DLL1: variants seen among roughly 807,000 people sequenced by gnomAD.
The protein encoded by DLL1 is delta like canonical Notch ligand 1, also known as delta-like protein 1.
In DLL1, 9 loss-of-function variants were observed where a neutral mutation model predicts 75.1. That is an observed-to-expected ratio of 0.12 (90% CI 0.07 to 0.21). The LOEUF (loss-of-function observed/expected upper bound fraction) is 0.21, where lower values mean the gene tolerates loss of function less well. Ranked by LOEUF, DLL1 falls within the 10% of genes least tolerant of loss-of-function variation. DLL1 has a pLI of 1.00. For missense variants in DLL1, 837 were observed against 1,007.6 expected, an observed-to-expected ratio of 0.83 and a Z score of 2.29; for synonymous variants, 477 against 418.3, an observed-to-expected ratio of 1.14 and a Z score of -1.71.
In DLL1 at chr6:170,283,830, G is replaced by C; in HGVS notation, c.1449C>G (p.Ser483Arg). 6.2e-7 allele frequency: 1 copy of C among 1,600,598 alleles called. No individual in the cohort carries two copies. The highest frequency in any genetic ancestry group is 8.5e-7 in the Non-Finnish European group (1 of 1,176,852). ...TGTGGCAGGGTGCGTGCTCGCACCT[G>C]CTGACGGGGGCACTGCAGTTCCTGC... ...YTGRNCSAPV[S>R]RCEHAPCHNG... The change falls in exon 9 of 11, where the codon AGC becomes AGG. Residue 483 changes from serine (S) to arginine (R), a missense_variant. Ser to Arg is a moderately radical substitution (Grantham distance 110). This residue lies in a region of DLL1 where 533 missense variants were observed against 545.7 expected (regional missense o/e 0.98). Transcript: ENST00000366756.
intron 10 of DLL1, 34 bp downstream of exon 10, chr6:170,282,954 C>A (rs200432216): frequency 1.9e-6 from 3 of 1,614,180 alleles, no homozygotes; most frequent in Admixed American, 3.3e-5. Context: ...GCTCCCATGC[C>A]GAGGAGGAGG....
Position 170,288,380 on chromosome 6 carries a change from A to C in DLL1, c.529T>G (p.Phe177Val), listed in dbSNP as rs781398299. The C allele has an allele frequency of 6.2e-7, 1 of 1,613,962 alleles. No individual in the cohort carries two copies. The highest frequency in any genetic ancestry group is 1.3e-5 in the African/African-American group (1 of 74,954). ...CCGTAGTAGTGTTCGTCACACACGA[A>C]GCGGTAGGAGTACTTGAGGTCCGTG... ...GRTDLKYSYR[F>V]VCDEHYYGEG... Residue 177 changes from phenylalanine (F) to valine (V), a missense_variant, in exon 4 of 11, where the codon TTC (phenylalanine) becomes GTC (valine). By Grantham distance (50) the Phe-to-Val change is conservative. This residue lies in a region of DLL1 where 304 missense variants were observed against 461.9 expected (regional missense o/e 0.66). Coordinates refer to ENST00000366756, the MANE Select transcript of DLL1 (RefSeq NM_005618.4).
chr6:170,287,737 C>T (rs1451262510), intron 4 of DLL1, among the ~76,000 whole-genome samples: 1 of 152,236 alleles, frequency 6.6e-6, no homozygotes, highest in Non-Finnish European at 1.5e-5. Flanking sequence ...CCAGCATAGA[C>T]AGTGCGTGTC....
chr6:170,289,887 C>A, intron 1 of DLL1, 79 bp from the exon 2 acceptor site: 1 of 1,462,530 alleles, frequency 6.8e-7, no homozygotes, highest in African/African-American at 1.4e-5. Context: ...GGGGGGTGTG[C>A]GGAGAGCCTG....
chr6:170,289,872 T>C, intron 1 of DLL1, 64 bp from the exon 2 acceptor site: 1 of 1,503,934 alleles, frequency 6.6e-7, no homozygotes, highest in Non-Finnish European at 9.0e-7. Context: ...GCGTGAGGCC[T>C]GGGTGGGGGG....
Position 170,285,033 on chromosome 6 carries a change from C to T in DLL1, c.1135G>A (p.Gly379Ser). ...TCADGPCFNG[G>S]RCSDSPDGGY... ...CCATCGGGGCTGTCTGAGCACCGACCCCCGTTAAAGCAAGGGCCGTCCGCA... is the reference window on the plus strand; with the variant it reads ...CCATCGGGGCTGTCTGAGCACCGACTCCCGTTAAAGCAAGGGCCGTCCGCA... The change falls in exon 8 of 11, where the codon GGT (glycine) becomes AGT (serine). Residue 379 changes from glycine (G) to serine (S), a missense_variant. Transcript: ENST00000366756. The T allele has an allele frequency of 6.2e-7, 1 of 1,614,172 alleles. No homozygotes were observed. Among genetic ancestry groups the T allele is most frequent in the Non-Finnish European group, 8.5e-7 (1 of 1,180,038 alleles).
rs146859652 is a variant in DLL1, at chr6:170,283,629, G to C, written c.1650C>G (p.Ala550=). The stretch of plus-strand genomic sequence containing the variant: ...GCAGCATGAGGACAAGGATGACCCC[G>C]GCGCACACGGCCACCCAGGGGAATG... ...GGPFPWVAVC[A]GVILVLMLLL... The change falls in exon 9 of 11, where the codon GCC becomes GCG. Residue 550 remains alanine (A), a synonymous_variant. Coordinates refer to ENST00000366756, the MANE Select transcript of DLL1 (RefSeq NM_005618.4). 1.9e-6 allele frequency: 3 copies of C among 1,607,010 alleles called. No homozygotes were observed. The highest frequency in any genetic ancestry group is 3.4e-5 in the Admixed American group (2 of 59,676).
At position 170,285,141 on chromosome 6, in the gene DLL1, C is replaced by A; in HGVS notation, c.1033-6G>T. On this transcript the variant is annotated splice_region_variant and splice_polypyrimidine_tract_variant and intron_variant, in intron 7 of 10. Transcript: ENST00000366756. ...GAGTAGCTGTTCTCGAGATCCTACACGATGGAGAGGTCAGAAAAGGCTTTC... is the reference window on the plus strand; with the variant it reads ...GAGTAGCTGTTCTCGAGATCCTACAAGATGGAGAGGTCAGAAAAGGCTTTC... 4 of 1,613,964 alleles carry A rather than the reference C, an allele frequency of 2.5e-6. No individual in the cohort carries two copies. Among genetic ancestry groups the A allele is most frequent in the Non-Finnish European group, 3.4e-6 (4 of 1,180,012 alleles).
At chr6:170,283,153 G>A (rs999662444) in intron 9 of DLL1, 48 bp from the exon 10 acceptor site, 2 of 1,613,484 alleles carry the variant, frequency 1.2e-6, no homozygotes, top group Non-Finnish European at 8.5e-7. Flanking sequence ...GAGAACATTT[G>A]GGAAGAGAAA....
intron 2 of DLL1, 106 bp downstream of exon 2, chr6:170,289,406 G>T: frequency 2.7e-6 from 4 of 1,477,226 alleles, no homozygotes; most frequent in Non-Finnish European, 2.7e-6. Flanking sequence ...TGCGCCTCGC[G>T]GGGTCCCCGA....
At chr6:170,288,654 G>C in intron 3 of DLL1, 75 bp downstream of exon 3, 1 of 1,609,644 alleles carries the variant, frequency 6.2e-7, no homozygotes, top group Non-Finnish European at 8.5e-7. Context: ...TCCGGGTTTG[G>C]CTGGGGGATG....
chr6:170,285,059 CAGG>C lies in DLL1; in HGVS notation c.1106_1108del (p.Thr369_Cys370delinsSer). ...CCCGTTAAAGCAAGGGCCGTCCGCA[CAGG>C]TCATGGCACTCAATTCACAGATTTT... On this transcript the variant is annotated inframe_deletion, in exon 8 of 11. Coordinates refer to ENST00000366756, the MANE Select transcript of DLL1 (RefSeq NM_005618.4). The C allele has an allele frequency of 3.7e-6, 6 of 1,614,164 alleles. No individual in the cohort carries two copies. Among genetic ancestry groups the C allele is most frequent in the Non-Finnish European group, 5.1e-6 (6 of 1,180,038 alleles).
chr6:170,283,266 T>C lies in DLL1; in HGVS notation c.2013A>G (p.Ser671=). The change falls in exon 9 of 11, where the codon TCA becomes TCG. Residue 671 remains serine, a synonymous_variant. Transcript: ENST00000366756. The stretch of plus-strand genomic sequence containing the variant: ...TGGTCGGGGTCCCCTTCTCCTCCCC[T>C]GAGGAGCCCTGGGGCTGGCACTTGG... The part of the protein sequence containing the change: ...RDTKCQPQGS[S]GEEKGTPTTL... The C allele has an allele frequency of 1.2e-6, 2 of 1,612,858 alleles. No individual in the cohort carries two copies. Among genetic ancestry groups the C allele is most frequent in the South Asian group, 1.1e-5 (1 of 91,078 alleles).
At position 170,290,259 on chromosome 6, in the gene DLL1, C is replaced by T; in HGVS notation, c.-120G>A. ...GGGCAGAAAAGCGCCCTTGCCTCGCCCCAGACCGCAGGACCCAGGACTTCT... is the reference window on the plus strand; with the variant it reads ...GGGCAGAAAAGCGCCCTTGCCTCGCTCCAGACCGCAGGACCCAGGACTTCT... On this transcript the variant is annotated 5_prime_UTR_variant, in exon 1 of 11. Transcript: ENST00000366756. The surrounding 1 kb of genome is among the most constrained non-coding windows in gnomAD (Gnocchi z 4.7). 1 of 1,207,612 alleles carries T rather than the reference C, an allele frequency of 8.3e-7. No individual in the cohort carries two copies. Among genetic ancestry groups the T allele is most frequent in the Non-Finnish European group, 1.1e-6 (1 of 871,214 alleles). The allele number at this position is 1,207,612 out of a possible 1,614,324, so 74.8% of individuals were successfully genotyped here. A position where few individuals can be genotyped will look rare whatever the true frequency, so the allele number is the denominator to read the frequency against.
At chr6:170,284,579 A>C (rs1783653314) in intron 8 of DLL1, among the ~76,000 whole-genome samples, 1 of 152,168 alleles carries the variant, frequency 6.6e-6, no homozygotes, top group African/African-American at 2.4e-5. Context: ...CTGGGTGGCC[A>C]CACAGCTGGG....
Position 170,289,503 on chromosome 6 carries a change from G to C in DLL1, c.351+9C>G. On this transcript the variant is annotated intron_variant, in intron 2 of 10. Coordinates refer to ENST00000366756, the MANE Select transcript of DLL1 (RefSeq NM_005618.4). ...GGGCCGGCCCGGCGCGCGCAGGTGCGGCACTCACCGGCCAGGTGAAGCCGA... is the reference window on the plus strand; with the variant it reads ...GGGCCGGCCCGGCGCGCGCAGGTGCCGCACTCACCGGCCAGGTGAAGCCGA... 2.0e-6 allele frequency: 3 copies of C among 1,533,700 alleles called. No individual in the cohort carries two copies. Among genetic ancestry groups the C allele is most frequent in the East Asian group, 2.5e-5 (1 of 40,780 alleles).
In DLL1 at chr6:170,290,904, C is replaced by A; in HGVS notation, c.-765G>T. ...CGCTCTGCCCTCGGCCGGGTCGGGT[C>A]TCCGCGGGTGCGCGCAGAGGATCTG... On this transcript the variant is annotated 5_prime_UTR_variant, in exon 1 of 11. Transcript: ENST00000366756. The surrounding 1 kb of genome is among the most constrained non-coding windows in gnomAD (Gnocchi z 4.7). The A allele has an allele frequency of 1.4e-6, 1 of 693,952 alleles. No homozygotes were observed. The allele number at this position is 693,952 out of a possible 1,614,324, so 43.0% of individuals were successfully genotyped here.
rs1243238981 is a variant in DLL1, at chr6:170,288,353, C to T, written c.556G>A (p.Glu186Lys). Residue 186 changes from glutamate to lysine, a missense_variant, in exon 4 of 11, where the codon GAG (glutamate) becomes AAG (lysine). By Grantham distance (56) the Glu-to-Lys change is moderately conservative. Coordinates refer to ENST00000366756, the MANE Select transcript of DLL1 (RefSeq NM_005618.4). ...GGACGGCAGAAAACGGAGCAGCCCT[C>T]TCCGTAGTAGTGTTCGTCACACACG... is the stretch of plus-strand genomic sequence containing the variant. ...RFVCDEHYYGEGCSVFCRPRD... is the reference protein window; with the variant it reads ...RFVCDEHYYGKGCSVFCRPRD... 2 of 1,614,004 alleles carry T rather than the reference C, an allele frequency of 1.2e-6. No homozygotes were observed. The highest frequency in any genetic ancestry group is 2.2e-5 in the East Asian group (1 of 44,894).
intron 8 of DLL1, 59 bp from the exon 9 acceptor site, chr6:170,284,088 C>A: frequency 6.5e-7 from 1 of 1,530,484 alleles, no homozygotes; most frequent in South Asian, 1.2e-5. Context: ...ACCAAAAAGT[C>A]ACTCTGAAGC....
Sources: allele counts gnomAD v4.1 joint callset (sites outside exome capture counted in the v4.1 genomes callset), GRCh38; gene constraint gnomAD v4.1.1; regional missense constraint gnomAD v4.1.1; non-coding constraint Gnocchi (gnomAD v3.1); transcripts MANE v1.5; gene names NCBI Gene and HGNC (gene_info 2026-07-23, HGNC 2026-07-21).